XYLT2: variants seen among roughly 807,000 people sequenced by gnomAD.
XYLT2 encodes UDP-D-xylose:proteoglycan core protein beta-D-xylosyltransferase.
A neutral mutation model predicts 82.6 loss-of-function variants in XYLT2; 37 were observed. The observed-to-expected ratio is 0.45, with a 90% CI of 0.34 to 0.59. XYLT2 has a LOEUF of 0.59. Ranked by LOEUF, XYLT2 falls within the 20% of genes least tolerant of loss-of-function variation. The probability of loss-of-function intolerance (pLI) is 0.01; values close to 1 mark genes in which losing one functional copy is unlikely to be tolerated. For synonymous variants in XYLT2, 474 were observed against 499.0 expected, an observed-to-expected ratio of 0.95 and a Z score of 0.67; for missense variants, 934 against 1,181.3, an observed-to-expected ratio of 0.79 and a Z score of 3.07.
chr17:50,348,559 C>G (rs931066469), intron 1 of XYLT2, among the ~76,000 whole-genome samples: 2 of 152,184 alleles, frequency 1.3e-5, no homozygotes, highest in African/African-American at 4.8e-5. Flanking sequence ...TATGGAGAGG[C>G]TGAGAGTGGA....
intron 1 of XYLT2, among the ~76,000 whole-genome samples, chr17:50,350,251 C>A (rs1912205794): frequency 1.3e-5 from 1 of 76,932 alleles, no homozygotes; most frequent in East Asian, 1.7e-3. Flanking sequence ...AAAAGCTTTG[C>A]ATTCATTCAT....
chr17:50,357,725 G>A (rs1014717436), intron 9 of XYLT2: 8 of 163,552 alleles, frequency 4.9e-5, no homozygotes, highest in East Asian at 1.8e-4. Context: ...ACAGGCGCGC[G>A]CCACCACGCC....
intron 7 of XYLT2, 54 bp from the exon 8 acceptor site, chr17:50,356,457 C>A (rs1912534880): frequency 6.3e-7 from 1 of 1,592,330 alleles, no homozygotes; most frequent in African/African-American, 1.3e-5. Context: ...CCAGCCCCAC[C>A]ATGCCCTCTG....
At chr17:50,357,879 C>T in intron 9 of XYLT2, 1 of 307,362 alleles carries the variant, frequency 3.3e-6, no homozygotes, top group Admixed American at 4.5e-5. Context: ...CGCGCCTGGC[C>T]CCTCCTCATA....
intron 8 of XYLT2, 80 bp from the exon 9 acceptor site, chr17:50,356,977 C>T: frequency 6.6e-7 from 1 of 1,506,094 alleles, no homozygotes; most frequent in Non-Finnish European, 8.9e-7. Context: ...GGATGGGACT[C>T]CCCAGAGCCC....
chr17:50,354,996 A>G lies in XYLT2; in HGVS notation c.947A>G (p.Glu316Gly). 4 of 1,551,624 alleles carry G rather than the reference A, an allele frequency of 2.6e-6. No homozygotes were observed. The highest frequency in any genetic ancestry group is 3.5e-6 in the Non-Finnish European group (4 of 1,148,958). ...CTGCGGAGCATGCGGGACCTGCTAG[A>G]GGTGCCTGGCTGGGCCTGGGACTTC... is the stretch of plus-strand genomic sequence containing the variant. ...MYLRSMRDLL[E>G]VPGWAWDFFI... Residue 316 changes from glutamate (E) to glycine (G), a missense_variant, in exon 4 of 11, where the codon GAG becomes GGG. By Grantham distance (98) the Glu-to-Gly change is moderately conservative. Transcript: ENST00000017003.
Position 50,358,339 on chromosome 17 carries a change from G to A in XYLT2, c.2074G>A (p.Asp692Asn), listed in dbSNP as rs759226815. The change falls in exon 10 of 11, where the codon GAC becomes AAC. Residue 692 changes from aspartate (D) to asparagine (N), a missense_variant. Physicochemically the swap from Asp to Asn is conservative, Grantham distance 23. This residue lies in a region of XYLT2 where 374 missense variants were observed against 465.6 expected (regional missense o/e 0.80). Transcript: ENST00000017003. The part of the protein sequence containing the change: ...PNLTATVVWI[D>N]PTYVVATSYD... Reference sequence around the variant, plus strand: ...CCTCACAGCCACAGTGGTCTGGATCGACCCAACCTATGTGGTGGCCACATC... The same window carrying A: ...CCTCACAGCCACAGTGGTCTGGATCAACCCAACCTATGTGGTGGCCACATC... 2.5e-6 allele frequency: 4 copies of A among 1,613,986 alleles called. No individual in the cohort carries two copies. Among genetic ancestry groups the A allele is most frequent in the African/African-American group, 2.7e-5 (2 of 75,048 alleles).
chr17:50,346,889 A>G lies in XYLT2; in HGVS notation c.135+614A>G, dbSNP rs997528043. ...GGCTTCCTCAGCCGGGGGTTTGAAG[A>G]ACCTGGATGGGTCTCCGGAGGGCAG... On this transcript the variant is annotated intron_variant, in intron 1 of 10. Coordinates refer to ENST00000017003, the MANE Select transcript of XYLT2 (RefSeq NM_022167.4). The surrounding 1 kb of genome is among the most constrained non-coding windows in gnomAD (Gnocchi z 5.1). 2.0e-6 allele frequency: 2 copies of G among 985,202 alleles called. No individual in the cohort carries two copies. The highest frequency in any genetic ancestry group is 3.5e-5 in the African/African-American group (2 of 57,184). The allele number at this position is 985,202 out of a possible 1,614,324, so 61.0% of individuals were successfully genotyped here. A position where few individuals can be genotyped will look rare whatever the true frequency, so the allele number is the denominator to read the frequency against.
chr17:50,359,892 C>A lies in XYLT2; in HGVS notation c.2276-77C>A, dbSNP rs1300785999. On this transcript the variant is annotated intron_variant, in intron 10 of 10. Transcript: ENST00000017003. ...AGGGCTGTGACAGGAACTGGGGTAC[C>A]CAGACCCAACTCCTGGGTCTGGCCT... 12 of 1,358,314 alleles carry A rather than the reference C, an allele frequency of 8.8e-6. No homozygotes were observed. The Admixed American group carries it at 2.6e-4, about 29-fold the overall frequency. 84.1% of individuals were successfully genotyped at this position (1,358,314 alleles called of 1,614,324 possible).
chr17:50,352,640 A>G (rs2143205368), intron 1 of XYLT2, among the ~76,000 whole-genome samples: 1 of 152,300 alleles, frequency 6.6e-6, no homozygotes, highest in Non-Finnish European at 1.5e-5. Flanking sequence ...CATCTAGGGA[A>G]GTGCCTGGAT....
chr17:50,359,837 A>G, intron 10 of XYLT2, 132 bp from the exon 11 acceptor site: 1 of 801,120 alleles, frequency 1.2e-6, no homozygotes, highest in South Asian at 1.9e-5. Flanking sequence ...GATTAGCCCA[A>G]GGTCATTCAG....
At position 50,353,631 on chromosome 17, in the gene XYLT2, A is replaced by AAGGAAGGCAG; in HGVS notation, c.144_153dup (p.Pro52AlafsTer38). 1 of 1,563,154 alleles carries AAGGAAGGCAG rather than the reference A, an allele frequency of 6.4e-7. No individual in the cohort carries two copies. The highest frequency in any genetic ancestry group is 8.7e-7 in the Non-Finnish European group (1 of 1,153,092). On this transcript the variant is annotated frameshift_variant and splice_region_variant, in exon 2 of 11. Transcript: ENST00000017003. LOFTEE classifies it high-confidence loss of function. Reference sequence around the variant, plus strand: ...GATGTGTCTGCATCTCTCTTACAGAAAGGAAGGCAGAGGAAGCCACGGCCA... The same window carrying AAGGAAGGCAG: ...GATGTGTCTGCATCTCTCTTACAGAAAGGAAGGCAGAGGAAGGCAGAGGAAGCCACGGCCA...
Position 50,360,741 on chromosome 17 carries a change from C to A in XYLT2, c.*450C>A. The A allele has an allele frequency of 1.0e-6, 1 of 988,074 alleles. No individual in the cohort carries two copies. Among genetic ancestry groups the A allele is most frequent in the East Asian group, 1.1e-4 (1 of 8,874 alleles). 61.2% of individuals were successfully genotyped at this position (988,074 alleles called of 1,614,324 possible). A position where few individuals can be genotyped will look rare whatever the true frequency, so the allele number is the denominator to read the frequency against. ...ATTGTTCTGCACGAGGCTGGGCCTGCCTCACTCTCCAGGGCCTCATGCCCC... is the reference window on the plus strand; with the variant it reads ...ATTGTTCTGCACGAGGCTGGGCCTGACTCACTCTCCAGGGCCTCATGCCCC... On this transcript the variant is annotated 3_prime_UTR_variant, in exon 11 of 11. Transcript: ENST00000017003.
chr17:50,353,673 G>T lies in XYLT2; in HGVS notation c.179G>T (p.Gly60Val), dbSNP rs763800676. Residue 60 changes from glycine (G) to valine (V), a missense_variant, in exon 2 of 11, where the codon GGT (glycine) becomes GTT (valine). Gly to Val is a moderately radical substitution (Grantham distance 109). Around this residue, in one of 3 missense-constraint regions of XYLT2, gnomAD observed 371 missense variants for 394.9 expected, o/e 0.94. Transcript: ENST00000017003. ...CCACGGCCACTGGACCCTGGCGAGGGTTCCAAGGACACAGACAGTTCAGCA... is the reference window on the plus strand; with the variant it reads ...CCACGGCCACTGGACCCTGGCGAGGTTTCCAAGGACACAGACAGTTCAGCA... ...RKPRPLDPGE[G>V]SKDTDSSAGR... The T allele has an allele frequency of 3.2e-5, 50 of 1,566,570 alleles. No homozygotes were observed. Among genetic ancestry groups the T allele is most frequent in the Non-Finnish European group, 4.3e-5 (50 of 1,154,552 alleles).
In XYLT2 at chr17:50,359,921, C is replaced by A. The variant is rs140092750; in HGVS notation, c.2276-48C>A. 2.2e-5 allele frequency: 33 copies of A among 1,486,458 alleles called. No individual in the cohort carries two copies. The East Asian group carries it at 2.2e-4, about 10-fold the overall frequency. 92.1% of individuals were successfully genotyped at this position (1,486,458 alleles called of 1,614,324 possible). A position where few individuals can be genotyped will look rare whatever the true frequency, so the allele number is the denominator to read the frequency against. The stretch of plus-strand genomic sequence containing the variant: ...ACCCAACTCCTGGGTCTGGCCTCCA[C>A]GGAGTCTGTTGCAGGGGGTGTGCTT... On this transcript the variant is annotated intron_variant, in intron 10 of 10. Coordinates refer to ENST00000017003, the MANE Select transcript of XYLT2 (RefSeq NM_022167.4).
At chr17:50,356,810 G>C in intron 8 of XYLT2, 37 bp downstream of exon 8, 1 of 1,578,812 alleles carries the variant, frequency 6.3e-7, no homozygotes, top group Non-Finnish European at 8.6e-7. Context: ...GGCCCTTGGG[G>C]TGTGGTGCCC....
Position 50,357,228 on chromosome 17 carries a change from G to C in XYLT2, c.1917G>C (p.Gln639His). The change falls in exon 9 of 11, where the codon CAG becomes CAC. Residue 639 changes from glutamine (Q) to histidine (H), a missense_variant. Physicochemically the swap from Gln to His is conservative, Grantham distance 24 (BLOSUM62 0). Transcript: ENST00000017003. ...TGAAGCTGTTGGGGCGCAGTGACCA[G>C]GCCAGCCGGCTCCAGAGTCTGGAGG... ...GSLKLLGRSD[Q>H]ASRLQSLEVG... The C allele has an allele frequency of 6.2e-7, 1 of 1,602,964 alleles. No homozygotes were observed. The highest frequency in any genetic ancestry group is 8.5e-7 in the Non-Finnish European group (1 of 1,177,096).
chr17:50,354,634 A>G (rs754377015), intron 3 of XYLT2, 51 bp downstream of exon 3: 1 of 1,565,610 alleles, frequency 6.4e-7, no homozygotes, highest in Admixed American at 1.7e-5. Flanking sequence ...GAGCAGAAAC[A>G]GAAGGTTGCA....
At chr17:50,357,312 A>C in intron 9 of XYLT2, 60 bp downstream of exon 9, 1 of 1,453,436 alleles carries the variant, frequency 6.9e-7, no homozygotes, top group Non-Finnish European at 9.1e-7. Context: ...GGTAGTGGGA[A>C]GAGAGGGACA....
Sources: allele counts gnomAD v4.1 joint callset (sites outside exome capture counted in the v4.1 genomes callset), GRCh38; gene constraint gnomAD v4.1.1; regional missense constraint gnomAD v4.1.1; non-coding constraint Gnocchi (gnomAD v3.1); transcripts MANE v1.5; gene names NCBI Gene and HGNC (gene_info 2026-07-23, HGNC 2026-07-21).